MAP3K19: variants seen among roughly 807,000 people sequenced by gnomAD.
The protein encoded by MAP3K19 is SPS1/STE20-related protein kinase YSK4.
In MAP3K19, 91 loss-of-function variants were observed where a neutral mutation model predicts 114.4. The observed-to-expected ratio is 0.80, with a 90% CI of 0.67 to 0.95. The LOEUF (loss-of-function observed/expected upper bound fraction) is 0.95. Among genes scored for constraint, MAP3K19 ranks in the 40% least tolerant of loss-of-function variants. MAP3K19 has a pLI of 0.00. For missense variants in MAP3K19, 1,471 were observed against 1,573.2 expected, an observed-to-expected ratio of 0.94 and a Z score of 1.10; for synonymous variants, 518 against 530.5, an observed-to-expected ratio of 0.98 and a Z score of 0.32.
At chr2:134,972,631 C>A (rs1047154994) in intron 12 of MAP3K19, among the ~76,000 whole-genome samples, 1 of 151,608 alleles carries the variant, frequency 6.6e-6, no homozygotes, top group African/African-American at 2.4e-5. Flanking sequence ...GAGACAAGGT[C>A]TCACATTGCT....
chr2:134,992,054 T>G (rs1037379896), intron 8 of MAP3K19, among the ~76,000 whole-genome samples: 1 of 152,322 alleles, frequency 6.6e-6, no homozygotes, highest in Admixed American at 6.5e-5. Context: ...TACTATGAAT[T>G]GTAAGCAAAT....
At chr2:134,971,518 G>C (rs755720629) in intron 12 of MAP3K19, among the ~76,000 whole-genome samples, 7 of 152,114 alleles carry the variant, frequency 4.6e-5, no homozygotes, top group Non-Finnish European at 1.0e-4. Flanking sequence ...TTCTTTATGA[G>C]TTTGGTAGAA....
intron 4 of MAP3K19, 23 bp from the exon 5 acceptor site, chr2:135,021,853 A>G: frequency 7.1e-7 from 1 of 1,413,300 alleles, no homozygotes; most frequent in Non-Finnish European, 9.8e-7. Context: ...ACATAATAGT[A>G]TGTTTTGATA....
chr2:135,046,251 A>C (rs1423177889), intron 1 of MAP3K19, among the ~76,000 whole-genome samples: 1 of 151,786 alleles, frequency 6.6e-6, no homozygotes, highest in African/African-American at 2.4e-5. Flanking sequence ...AATATTTCTC[A>C]ATTTTCCATT....
At chr2:135,004,890 C>T (rs968396115) in intron 6 of MAP3K19, among the ~76,000 whole-genome samples, 1 of 152,084 alleles carries the variant, frequency 6.6e-6, no homozygotes, top group Non-Finnish European at 1.5e-5. Context: ...GGAAGGGAAC[C>T]GATCACTGAA....
At chr2:135,035,540 T>A (rs62168935) in intron 2 of MAP3K19, among the ~76,000 whole-genome samples, 1 of 152,234 alleles carries the variant, frequency 6.6e-6, no homozygotes, top group Non-Finnish European at 1.5e-5. Flanking sequence ...GGTTTCTTTT[T>A]ATCTTCTTTT....
At chr2:135,037,975 C>T (rs1688567592) in intron 2 of MAP3K19, among the ~76,000 whole-genome samples, 2 of 152,156 alleles carry the variant, frequency 1.3e-5, no homozygotes, top group African/African-American at 4.8e-5. Flanking sequence ...TTCTGGCACG[C>T]TAACTCATTA....
intron 1 of MAP3K19, among the ~76,000 whole-genome samples, chr2:135,045,838 A>T (rs1343563983): frequency 6.6e-6 from 1 of 152,236 alleles, no homozygotes; most frequent in African/African-American, 2.4e-5. Context: ...TAGAGACTGG[A>T]GGAAGACAAT....
At chr2:135,026,970 T>C (rs1046808638) in intron 3 of MAP3K19, among the ~76,000 whole-genome samples, 7 of 152,182 alleles carry the variant, frequency 4.6e-5, no homozygotes. Flanking sequence ...ATTTGGCATA[T>C]ATAGTAGAAA....
rs1252223069 is a variant in MAP3K19, at chr2:134,987,436, C to G, written c.1436G>C (p.Ser479Thr). Residue 479 changes from serine to threonine, a missense_variant, in exon 10 of 13, where the codon AGT (serine) becomes ACT (threonine). Transcript: ENST00000392915. ...GATGTGGATAAGAGGCACCATCCTA[C>G]TCATTTCTGGTTTGGCTCTTTCTGC... Reference protein sequence around the residue: ...SIAERAKPEMSRMVPLIHITF... With the variant: ...SIAERAKPEMTRMVPLIHITF... 6.2e-7 allele frequency: 1 copy of G among 1,614,174 alleles called. No homozygotes were observed. The highest frequency in any genetic ancestry group is 1.6e-4 in the Middle Eastern group (1 of 6,062).
At chr2:135,031,992 G>C (rs964527689) in intron 2 of MAP3K19, among the ~76,000 whole-genome samples, 2 of 152,058 alleles carry the variant, frequency 1.3e-5, no homozygotes, top group African/African-American at 4.8e-5. Flanking sequence ...CACTAGAAAG[G>C]CCCAAATCAA....
Position 134,987,786 on chromosome 2 carries a change from C to A in MAP3K19, c.1086G>T (p.Glu362Asp), listed in dbSNP as rs773311272. Residue 362 changes from glutamate (E) to aspartate (D), a missense_variant, in exon 10 of 13, where the codon GAG becomes GAT. Glu to Asp is a conservative substitution (Grantham distance 45, BLOSUM62 2). Transcript: ENST00000392915. ...TTCTTGATGAAAGATATTGAGAGTT[C>A]TCTTCTTCAGGTTTTCGCGTTTTAC... ...HGSKTRKPEE[E>D]NSQYLSSRKN... 9.3e-6 allele frequency: 15 copies of A among 1,607,460 alleles called. No homozygotes were observed. The highest frequency in any genetic ancestry group is 4.0e-5 in the African/African-American group (3 of 74,878).
chr2:134,991,261 A>G, intron 9 of MAP3K19: 1 of 392,816 alleles, frequency 2.5e-6, no homozygotes, highest in Non-Finnish European at 4.8e-6. Context: ...AGATTGCACC[A>G]CTGCACTCTA....
chr2:135,031,497 G>A (rs1688379987), intron 2 of MAP3K19, among the ~76,000 whole-genome samples: 3 of 151,824 alleles, frequency 2.0e-5, no homozygotes, highest in Admixed American at 2.0e-4. Flanking sequence ...GAAATCAGCT[G>A]TGCCTCAGTC....
intron 8 of MAP3K19, among the ~76,000 whole-genome samples, chr2:134,997,692 G>A (rs1265628960): frequency 4.6e-5 from 7 of 151,658 alleles, no homozygotes; most frequent in South Asian, 2.1e-4. Context: ...GGTGGCATGC[G>A]CCTGTAGTCC....
chr2:134,991,669 G>A (rs1056277487), intron 8 of MAP3K19, 89 bp from the exon 9 acceptor site: 4 of 1,049,180 alleles, frequency 3.8e-6, no homozygotes, highest in Non-Finnish European at 5.9e-6. Context: ...TAATACAGAT[G>A]CTAAGGGGTC....
chr2:135,012,131 A>G (rs1164235089), intron 5 of MAP3K19, among the ~76,000 whole-genome samples: 1 of 152,178 alleles, frequency 6.6e-6, no homozygotes, highest in East Asian at 1.9e-4. Flanking sequence ...GACAACATGT[A>G]GCAAATTTCT....
chr2:134,983,196 C>A, intron 11 of MAP3K19: 1 of 532,772 alleles, frequency 1.9e-6, no homozygotes, highest in South Asian at 1.4e-5. Context: ...TCATCGCCCA[C>A]CCCCCAAGAT....
intron 5 of MAP3K19, among the ~76,000 whole-genome samples, chr2:135,015,778 A>T (rs1443711119): frequency 6.6e-6 from 1 of 152,050 alleles, no homozygotes; most frequent in African/African-American, 2.4e-5. Flanking sequence ...TTATAATCCC[A>T]GCAACTCGGG....
Sources: allele counts gnomAD v4.1 joint callset (sites outside exome capture counted in the v4.1 genomes callset), GRCh38; gene constraint gnomAD v4.1.1; transcripts MANE v1.5; gene names NCBI Gene and HGNC (gene_info 2026-07-23, HGNC 2026-07-21).